The following RP1 variants were observed in gnomAD, a reference collection of about 807,000 sequenced individuals.
RP1 encodes oxygen-regulated protein 1.
A neutral mutation model predicts 14.8 loss-of-function variants in RP1; 16 were observed. That is an observed-to-expected ratio of 1.08 (90% CI 0.73 to 1.65). The LOEUF (loss-of-function observed/expected upper bound fraction) is 1.65. RP1 is among the 40% of genes most tolerant of loss of function. RP1 has a pLI of 0.00. For synonymous variants in RP1, 876 were observed against 883.6 expected (o/e 0.99, Z 0.15); for missense variants, 2,631 against 2,535.0 (o/e 1.04, Z -0.81).
At position 54,625,144 on chromosome 8, in the gene RP1, G is replaced by T. The variant is rs771928405; in HGVS notation, c.1262G>T (p.Ser421Ile). The T allele has an allele frequency of 3.1e-6, 5 of 1,614,056 alleles. No homozygotes were observed. The highest frequency in any genetic ancestry group is 3.4e-6 in the Non-Finnish European group (4 of 1,180,032). Residue 421 changes from serine to isoleucine, a missense_variant, in exon 4 of 4, where the codon AGT becomes ATT. Coordinates refer to ENST00000220676, the MANE Select transcript of RP1 (RefSeq NM_006269.2). ...QMTDQVAETC[S>I]SASWENATVD... ...ACAGATCAAGTGGCTGAAACTTGCA[G>T]TTCTGCTAGTTGGGAGAATGCTACT... is the stretch of plus-strand genomic sequence containing the variant.
chr8:54,698,905 G>A (rs971355587), intron 12 of RP1, among the ~76,000 whole-genome samples: 4 of 152,110 alleles, frequency 2.6e-5, no homozygotes, highest in Non-Finnish European at 5.9e-5. Flanking sequence ...GGGTCCTGGG[G>A]GAGGGATAGC....
intron 24 of RP1, among the ~76,000 whole-genome samples, chr8:54,819,650 C>G (rs542782765): frequency 6.6e-6 from 1 of 152,254 alleles, no homozygotes; most frequent in East Asian, 1.9e-4. Context: ...GTGTTGTGAT[C>G]TGAGTCTTTG....
At chr8:54,586,237 T>A (rs1804918087) in intron 1 of RP1, among the ~76,000 whole-genome samples, 1 of 152,178 alleles carries the variant, frequency 6.6e-6, no homozygotes, top group Admixed American at 6.5e-5. Context: ...CAGCTGCAGG[T>A]CTATTGGAGT....
At chr8:54,600,576 G>T (rs549760337) in intron 1 of RP1, among the ~76,000 whole-genome samples, 3 of 152,184 alleles carry the variant, frequency 2.0e-5, no homozygotes, top group South Asian at 2.1e-4. Flanking sequence ...TGGAAGTCTT[G>T]GTTCCCCACT....
intron 6 of RP1, among the ~76,000 whole-genome samples, chr8:54,659,568 A>G (rs1436261854): frequency 1.3e-5 from 2 of 152,032 alleles, no homozygotes; most frequent in African/African-American, 2.4e-5. Flanking sequence ...TGAGTTCTCT[A>G]TTCTATTCTA....
intron 18 of RP1, among the ~76,000 whole-genome samples, chr8:54,737,921 C>A (rs887518904): frequency 6.6e-6 from 1 of 151,776 alleles, no homozygotes; most frequent in East Asian, 1.9e-4. Context: ...TAGATTGGTG[C>A]CTGTAGTAGA....
exon 6 of RP1, chr8:54,656,117 T>A: frequency 6.5e-7 from 1 of 1,534,304 alleles, no homozygotes; most frequent in East Asian, 2.5e-5. Flanking sequence ...GGAAAACAGT[T>A]TTATGTACCT....
At chr8:54,820,234 G>A (rs1334101005) in intron 24 of RP1, among the ~76,000 whole-genome samples, 1 of 152,014 alleles carries the variant, frequency 6.6e-6, no homozygotes, top group African/African-American at 2.4e-5. Flanking sequence ...TTCCTGAGCT[G>A]TGCTGCCTGG....
chr8:54,783,287 C>T (rs886970007), intron 23 of RP1, among the ~76,000 whole-genome samples: 1 of 152,124 alleles, frequency 6.6e-6, no homozygotes, highest in African/African-American at 2.4e-5. Flanking sequence ...TAAATGCCTC[C>T]AACTCCATTG....
chr8:54,572,750 A>G (rs995998471), intron 1 of RP1, among the ~76,000 whole-genome samples: 1 of 152,154 alleles, frequency 6.6e-6, no homozygotes, highest in African/African-American at 2.4e-5. Context: ...CAAGAGATAA[A>G]CCAGCACACA....
chr8:54,738,368 A>T (rs1006437690), intron 18 of RP1, among the ~76,000 whole-genome samples: 1 of 152,158 alleles, frequency 6.6e-6, no homozygotes, highest in Admixed American at 6.6e-5. Context: ...GGATTAACAA[A>T]TACTCTTGGG....
chr8:54,727,366 A>G lies in RP1; in HGVS notation c.2521+890A>G, dbSNP rs16920675. Among the ~76,000 whole-genome samples, 535 of 152,238 alleles carry G rather than the reference A, an allele frequency of 3.5e-3. 10 individuals are homozygous for G. The highest frequency in any genetic ancestry group is 0.029 in the East Asian group (149 of 5,184). ...CTTAGTTAAAATTTCTCACAGCAGAATTCAGTCTTGTGTCAGGAAGTAATG... is the reference window on the plus strand; with the variant it reads ...CTTAGTTAAAATTTCTCACAGCAGAGTTCAGTCTTGTGTCAGGAAGTAATG... On this transcript the variant is annotated intron_variant, in intron 17 of 22. Transcript: ENST00000636932.
intron 17 of RP1, among the ~76,000 whole-genome samples, chr8:54,732,824 G>A (rs946137792): frequency 1.3e-5 from 2 of 152,128 alleles, no homozygotes; most frequent in Non-Finnish European, 2.9e-5. Context: ...ACCAATTTTT[G>A]TGATCATTTC....
At chr8:54,797,063 A>G (rs1397633139) in intron 24 of RP1, among the ~76,000 whole-genome samples, 8 of 152,188 alleles carry the variant, frequency 5.3e-5, no homozygotes, top group Admixed American at 5.2e-4. Context: ...AGAGAGCACA[A>G]CAGTGTAAAG....
intron 13 of RP1, chr8:54,699,574 T>A: frequency 6.0e-6 from 8 of 1,343,758 alleles, no homozygotes; most frequent in Non-Finnish European, 7.8e-6. Context: ...TGGAATGGTG[T>A]GTAGTAAATT....
chr8:54,595,587 C>T (rs112186541), intron 1 of RP1, among the ~76,000 whole-genome samples: 125 of 152,306 alleles, frequency 8.2e-4, no homozygotes, highest in African/African-American at 2.9e-3. Flanking sequence ...TCTCCAAAAT[C>T]GCTTCTTCCA....
chr8:54,654,484 A>G (rs1052199299), intron 5 of RP1, among the ~76,000 whole-genome samples: 2 of 152,220 alleles, frequency 1.3e-5, no homozygotes, highest in African/African-American at 4.8e-5. Context: ...CAGTCTTGGC[A>G]GTAATAACCT....
At chr8:54,742,777 C>T (rs1809129127) in intron 19 of RP1, among the ~76,000 whole-genome samples, 3 of 152,102 alleles carry the variant, frequency 2.0e-5, no homozygotes, top group African/African-American at 7.2e-5. Context: ...GAAACTTACC[C>T]ATGAGTTAAG....
At chr8:54,776,075 A>C (rs1347727524) in intron 23 of RP1, among the ~76,000 whole-genome samples, 1 of 152,232 alleles carries the variant, frequency 6.6e-6, no homozygotes, top group Non-Finnish European at 1.5e-5. Flanking sequence ...ATACACATTT[A>C]AAAAATACTA....
Sources: gnomAD v4.1 joint callset for allele counts (sites outside exome capture counted in the v4.1 genomes callset) on GRCh38, gnomAD v4.1.1 for gene constraint, MANE v1.5 for transcripts, NCBI Gene and HGNC (gene_info 2026-07-23, HGNC 2026-07-21) for gene names.